RRP15: variants seen among roughly 807,000 people sequenced by gnomAD.
RRP15 encodes the protein RRP15-like protein.
A neutral mutation model predicts 27.1 loss-of-function variants in RRP15; 18 were observed. The observed-to-expected ratio is 0.66, with a 90% CI of 0.46 to 0.98. The LOEUF (loss-of-function observed/expected upper bound fraction) is 0.98, where lower values mean the gene tolerates loss of function less well. RRP15 is among the 50% of genes least tolerant of loss of function. The probability of loss-of-function intolerance (pLI) is 0.00; values close to 1 mark genes in which losing one functional copy is unlikely to be tolerated. For missense variants in RRP15, 359 were observed against 337.8 expected (o/e 1.06, Z -0.49); for synonymous variants, 107 against 109.4 (o/e 0.98, Z 0.14).
intron 4 of RRP15, among the ~76,000 whole-genome samples, chr1:218,315,454 A>C (rs1156717719): frequency 6.6e-6 from 1 of 151,880 alleles, no homozygotes. Flanking sequence ...CTAAGGCAGG[A>C]TCTCACTCTG....
intron 4 of RRP15, among the ~76,000 whole-genome samples, chr1:218,327,608 A>T (rs1285490264): frequency 3.3e-5 from 5 of 152,128 alleles, no homozygotes; most frequent in African/African-American, 1.2e-4. Flanking sequence ...CTGGCCTTAA[A>T]CAAGGTTTTC....
rs1177147381 is a variant in RRP15 at position 218,307,295 on chromosome 1, T to C, written c.504-136T>C. On this transcript the variant is annotated intron_variant, in intron 3 of 4. Transcript: ENST00000366932. ...TTTATCAAATGTATTTAACCACTTA[T>C]CCCGTTCTTTCCTTTGAGTACTTGT... 7.8e-6 allele frequency: 5 copies of C among 642,588 alleles called. No individual in the cohort carries two copies. The East Asian group carries it at 1.1e-4, about 14-fold the overall frequency. 39.8% of individuals were successfully genotyped at this position (642,588 alleles called of 1,614,324 possible).
At chr1:218,302,047 T>G in intron 1 of RRP15, 2 of 413,876 alleles carry the variant, frequency 4.8e-6, no homozygotes, top group Non-Finnish European at 8.6e-6. Flanking sequence ...TTCTGCTGCC[T>G]GGGTCCTGGG....
chr1:218,322,551 A>T lies in RRP15; in HGVS notation c.706-8397A>T, dbSNP rs1349947528. 5.9e-4 allele frequency among the ~76,000 whole-genome samples: 87 copies of T among 146,722 alleles called. 1 individual carries two copies. The Middle Eastern group carries it at 0.011, about 18-fold the overall frequency. On this transcript the variant is annotated intron_variant, in intron 4 of 4. Coordinates refer to ENST00000366932, the MANE Select transcript of RRP15 (RefSeq NM_016052.4). ...TGTTTCTTGCTGTCCCTTTTTTTTT[A>T]AATTCTTTACTTATACATGTAGTTT... is the stretch of plus-strand genomic sequence containing the variant.
At chr1:218,308,011 C>T (rs553865373) in intron 4 of RRP15, among the ~76,000 whole-genome samples, 1 of 147,982 alleles carries the variant, frequency 6.8e-6, no homozygotes, top group Non-Finnish European at 1.5e-5. Flanking sequence ...TTTCTATGAC[C>T]TTTGGCATGA....
intron 4 of RRP15, among the ~76,000 whole-genome samples, chr1:218,327,750 G>A (rs1183609952): frequency 1.3e-5 from 2 of 152,114 alleles, no homozygotes; most frequent in East Asian, 1.9e-4. Context: ...AAATGCTACT[G>A]TAATGATTAG....
chr1:218,292,355 C>T (rs141651194), intron 1 of RRP15, among the ~76,000 whole-genome samples: 14 of 152,330 alleles, frequency 9.2e-5, no homozygotes, highest in Admixed American at 3.9e-4. Context: ...CTTAGGGACA[C>T]TGCACAACCC....
chr1:218,327,957 G>A (rs367890329), intron 4 of RRP15, among the ~76,000 whole-genome samples: 152 of 152,260 alleles, frequency 1.0e-3, no homozygotes, highest in African/African-American at 3.4e-3. Flanking sequence ...AACATGCACC[G>A]GAATCACTGA....
chr1:218,294,086 G>A (rs1655683570), intron 1 of RRP15, among the ~76,000 whole-genome samples: 1 of 152,082 alleles, frequency 6.6e-6, no homozygotes, highest in Non-Finnish European at 1.5e-5. Flanking sequence ...AGGGGATCAC[G>A]AATTAGAGAT....
chr1:218,326,316 A>G (rs1361518315), intron 4 of RRP15, among the ~76,000 whole-genome samples: 4 of 152,230 alleles, frequency 2.6e-5, no homozygotes, highest in Admixed American at 6.5e-5. Flanking sequence ...CAAAAATAAT[A>G]AATAAACAAG....
chr1:218,306,672 T>G (rs1655904888), intron 3 of RRP15, among the ~76,000 whole-genome samples: 1 of 152,202 alleles, frequency 6.6e-6, no homozygotes, highest in African/African-American at 2.4e-5. Flanking sequence ...GAAATGAATG[T>G]GAGCTACATT....
intron 1 of RRP15, among the ~76,000 whole-genome samples, chr1:218,298,312 G>A (rs369740804): frequency 1.3e-5 from 2 of 151,928 alleles, no homozygotes; most frequent in African/African-American, 4.8e-5. Context: ...AGATATCTCT[G>A]GTCACCCTTT....
chr1:218,307,037 A>T (rs1655910626), intron 3 of RRP15, among the ~76,000 whole-genome samples: 1 of 152,220 alleles, frequency 6.6e-6, no homozygotes, highest in East Asian at 1.9e-4. Context: ...TTTTTAAAAT[A>T]AGTATTTTTT....
intron 3 of RRP15, among the ~76,000 whole-genome samples, chr1:218,305,836 G>A (rs775324586): frequency 5.3e-5 from 8 of 152,144 alleles, no homozygotes; most frequent in Middle Eastern, 3.4e-3. Context: ...GTGCGATAGC[G>A]TGGTGTGGTG....
chr1:218,297,693 G>A (rs567621963), intron 1 of RRP15, among the ~76,000 whole-genome samples: 2 of 152,222 alleles, frequency 1.3e-5, no homozygotes, highest in Non-Finnish European at 2.9e-5. Flanking sequence ...GAAGTTAAAG[G>A]TTAACCAATA....
intron 4 of RRP15, among the ~76,000 whole-genome samples, chr1:218,326,868 A>G (rs895993629): frequency 6.6e-6 from 1 of 152,240 alleles, no homozygotes; most frequent in Admixed American, 6.5e-5. Flanking sequence ...GTAGAGCACT[A>G]AATGTTTCTC....
intron 4 of RRP15, among the ~76,000 whole-genome samples, chr1:218,330,293 A>G (rs937299601): frequency 1.3e-5 from 2 of 152,216 alleles, no homozygotes; most frequent in East Asian, 3.8e-4. Context: ...TCCTGTGACT[A>G]AATGAAACGA....
At position 218,331,203 on chromosome 1, in the gene RRP15, T is replaced by A; in HGVS notation, c.*112T>A. On this transcript the variant is annotated 3_prime_UTR_variant, in exon 5 of 5. Transcript: ENST00000366932. The stretch of plus-strand genomic sequence containing the variant: ...CATTTGTAAGAAAGCCAAAAGACTT[T>A]TGCCAGATTTCATATTTCCCCTTTT... The A allele has an allele frequency of 7.1e-6, 7 of 983,774 alleles. No homozygotes were observed. The highest frequency in any genetic ancestry group is 1.0e-5 in the Non-Finnish European group (7 of 692,286). 60.9% of individuals were successfully genotyped at this position (983,774 alleles called of 1,614,324 possible).
At position 218,333,474 on chromosome 1, in the gene RRP15, C is replaced by T. The variant is rs1656404195; in HGVS notation, c.*2383C>T. On this transcript the variant is annotated 3_prime_UTR_variant, in exon 5 of 5. Coordinates refer to ENST00000366932, the MANE Select transcript of RRP15 (RefSeq NM_016052.4). ...TCAGATAAATAATCCGAGTGTATTT[C>T]ATCTTTCTACATTGTCTTTGTGGTT... is the stretch of plus-strand genomic sequence containing the variant. The T allele has an allele frequency of 6.6e-6, 1 of 152,058 alleles. No homozygotes were observed. Among genetic ancestry groups the T allele is most frequent in the Admixed American group, 6.6e-5 (1 of 15,246 alleles). 9.4% of individuals were successfully genotyped at this position (152,058 alleles called of 1,614,324 possible).
Sources: gnomAD v4.1 joint callset for allele counts (sites outside exome capture counted in the v4.1 genomes callset) on GRCh38, gnomAD v4.1.1 for gene constraint, MANE v1.5 for transcripts, NCBI Gene and HGNC (gene_info 2026-07-23, HGNC 2026-07-21) for gene names.